The following GCH1 variants were observed in gnomAD, a reference collection of about 807,000 sequenced individuals.
The protein encoded by GCH1 is GTP cyclohydrolase 1, also known as GTP cyclohydrolase I.
GCH1 carries 5 observed loss-of-function variants against 25.9 expected under a neutral mutation model. That is an observed-to-expected ratio of 0.19 (90% confidence interval 0.10 to 0.41). The LOEUF is 0.41. Ranked by LOEUF, GCH1 falls within the 10% of genes least tolerant of loss-of-function variation. The pLI is 1.00. For missense variants in GCH1, 261 were observed against 336.5 expected (o/e 0.78, Z 1.75); for synonymous variants, 159 against 129.6 (o/e 1.23, Z -1.54).
At chr14:54,867,090 T>C (rs903293440) in intron 1 of GCH1, among the ~76,000 whole-genome samples, 1 of 152,222 alleles carries the variant, frequency 6.6e-6, no homozygotes, top group Non-Finnish European at 1.5e-5. Context: ...ACATATAGCT[T>C]ACTAAAATCT....
At chr14:54,866,600 A>C (rs1255979700) in intron 1 of GCH1, among the ~76,000 whole-genome samples, 1 of 151,940 alleles carries the variant, frequency 6.6e-6, no homozygotes, top group Non-Finnish European at 1.5e-5. Context: ...GATGTATTAG[A>C]GCTTTGCACC....
Position 54,871,598 on chromosome 14 carries a change from T to TA in GCH1, c.344-6163dup, listed in dbSNP as rs975786150. On this transcript the variant is annotated intron_variant, in intron 1 of 5. Coordinates refer to ENST00000491895, the MANE Select transcript of GCH1 (RefSeq NM_000161.3). Reference sequence around the variant, plus strand: ...CCATGGCAAAGAAGTTAAAAACCTTTAAAAAAATTAGACGAATGGCTAACT... The same window carrying TA: ...CCATGGCAAAGAAGTTAAAAACCTTTAAAAAAAATTAGACGAATGGCTAACT... Among the ~76,000 whole-genome samples the TA allele has an allele frequency of 2.9e-3, 448 of 151,902 alleles. 2 individuals carry two copies. The highest frequency in any genetic ancestry group is 0.01 in the African/African-American group (417 of 41,422).
intron 3 of GCH1, among the ~76,000 whole-genome samples, chr14:54,854,478 T>C (rs760584799): frequency 6.6e-6 from 1 of 151,848 alleles, no homozygotes; most frequent in African/African-American, 2.4e-5. Flanking sequence ...ACACTCCAGA[T>C]GGAGCAAAGA....
chr14:54,868,747 G>A (rs971105662), intron 1 of GCH1, among the ~76,000 whole-genome samples: 17 of 148,840 alleles, frequency 1.1e-4, no homozygotes, highest in Admixed American at 2.7e-4. Flanking sequence ...GACTACAGGC[G>A]TCTGCCACCA....
intron 3 of GCH1, among the ~76,000 whole-genome samples, chr14:54,856,059 T>C (rs768608962): frequency 2.6e-5 from 4 of 152,168 alleles, no homozygotes; most frequent in Non-Finnish European, 5.9e-5. Flanking sequence ...TGTAATCTAA[T>C]ACTCACCTCA....
At chr14:54,902,077 G>C (rs1246088534) in intron 1 of GCH1, among the ~76,000 whole-genome samples, 1 of 152,048 alleles carries the variant, frequency 6.6e-6, no homozygotes, top group African/African-American at 2.4e-5. Context: ...GAGCGGGAAG[G>C]GCCCCTGGAA....
At chr14:54,863,236 C>G (rs111317596) in intron 2 of GCH1, among the ~76,000 whole-genome samples, 17,274 of 151,218 alleles carry the variant, frequency 0.11, 1,055 homozygotes, top group South Asian at 0.16. Context: ...TGGCTAACAC[C>G]GTGAAACCCC....
Position 54,902,706 on chromosome 14 carries a change from G to A in GCH1, c.-43C>T, listed in dbSNP as rs1447973089. Reference sequence around the variant, plus strand: ...TGCCGTTCGGGAAGGACCCCGGGGCGCTTCGAGGTCTGCGGCTAAACTCCG... The same window carrying A: ...TGCCGTTCGGGAAGGACCCCGGGGCACTTCGAGGTCTGCGGCTAAACTCCG... On this transcript the variant is annotated 5_prime_UTR_variant, in exon 1 of 6. Transcript: ENST00000491895. The A allele has an allele frequency of 7.1e-7, 1 of 1,408,714 alleles. No homozygotes were observed. Among genetic ancestry groups the A allele is most frequent in the Non-Finnish European group, 9.2e-7 (1 of 1,087,136 alleles). The allele number at this position is 1,408,714 out of a possible 1,614,324, so 87.3% of individuals were successfully genotyped here. A position where few individuals can be genotyped will look rare whatever the true frequency, so the allele number is the denominator to read the frequency against.
chr14:54,869,670 G>T (rs1452848104), intron 1 of GCH1, among the ~76,000 whole-genome samples: 1 of 151,884 alleles, frequency 6.6e-6, no homozygotes, highest in African/African-American at 2.4e-5. Context: ...AGTAGGGATC[G>T]GGTTTCTCCA....
chr14:54,858,561 CA>C (rs1198178058), intron 3 of GCH1, among the ~76,000 whole-genome samples: 1 of 151,800 alleles, frequency 6.6e-6, no homozygotes, highest in Non-Finnish European at 1.5e-5. Context: ...GCTGGGATTA[CA>C]AGTGTGAAAG....
intron 1 of GCH1, among the ~76,000 whole-genome samples, chr14:54,899,269 C>T (rs1261868268): frequency 5.3e-5 from 8 of 151,868 alleles, no homozygotes; most frequent in Non-Finnish European, 1.0e-4. Flanking sequence ...AAGACCAGCC[C>T]GGGCAACATG....
At chr14:54,869,419 T>C (rs759952509) in intron 1 of GCH1, among the ~76,000 whole-genome samples, 3 of 152,190 alleles carry the variant, frequency 2.0e-5, no homozygotes, top group Non-Finnish European at 2.9e-5. Context: ...GGAAAGGGTA[T>C]ATGAAAACTC....
Position 54,902,432 on chromosome 14 carries a change from T to C in GCH1, c.232A>G (p.Ile78Val). Residue 78 changes from isoleucine to valine, a missense_variant, in exon 1 of 6, where the codon ATC becomes GTC. Transcript: ENST00000491895. ...LPNLAAAYSS[I>V]LSSLGENPQR... is the part of the protein sequence containing the mutation. Reference sequence around the variant, plus strand: ...GGGTTCTCGCCCAGCGAGCTCAGGATGGACGAGTAGGCGGCTGCCAGGTTA... The same window carrying C: ...GGGTTCTCGCCCAGCGAGCTCAGGACGGACGAGTAGGCGGCTGCCAGGTTA... The C allele has an allele frequency of 6.2e-7, 1 of 1,612,998 alleles. No individual in the cohort carries two copies. The highest frequency in any genetic ancestry group is 1.1e-5 in the South Asian group (1 of 91,062).
rs1594968613 is a variant in GCH1 at position 54,844,294 on chromosome 14, C to G, written c.627-151G>C. On this transcript the variant is annotated intron_variant, in intron 5 of 5. Transcript: ENST00000491895. ...ACAAATGTTATCTATTAGGTTCATGCAAAAGTAACTGCGGTTCTTGCTATT... is the reference window on the plus strand; with the variant it reads ...ACAAATGTTATCTATTAGGTTCATGGAAAAGTAACTGCGGTTCTTGCTATT... 5 of 732,204 alleles carry G rather than the reference C, an allele frequency of 6.8e-6. No individual in the cohort carries two copies. The East Asian group carries it at 1.3e-4, about 18-fold the overall frequency. 45.4% of individuals were successfully genotyped at this position (732,204 alleles called of 1,614,324 possible).
At chr14:54,859,479 G>A in intron 3 of GCH1, 1 of 599,374 alleles carries the variant, frequency 1.7e-6, no homozygotes, top group South Asian at 1.9e-5. Context: ...AGAAAGGGTG[G>A]GAAGTGGAAG....
chr14:54,891,405 ATTT>A (rs538686624), intron 1 of GCH1, among the ~76,000 whole-genome samples: 11 of 109,026 alleles, frequency 1.0e-4, no homozygotes, highest in East Asian at 5.2e-4. Flanking sequence ...CATGCCTGGC[ATTT>A]TTTTTTTTTT....
chr14:54,880,199 T>C (rs369124329), intron 1 of GCH1, among the ~76,000 whole-genome samples: 1 of 150,156 alleles, frequency 6.7e-6, no homozygotes, highest in South Asian at 2.1e-4. Flanking sequence ...TGTAGTGAGA[T>C]GATAACTGGA....
chr14:54,845,765 T>C lies in GCH1; in HGVS notation c.626+3A>G, dbSNP rs1003447466. 3 of 1,531,504 alleles carry C rather than the reference T, an allele frequency of 2.0e-6. No homozygotes were observed. The highest frequency in any genetic ancestry group is 2.7e-6 in the Non-Finnish European group (3 of 1,104,560). 94.9% of individuals were successfully genotyped at this position (1,531,504 alleles called of 1,614,324 possible). A position where few individuals can be genotyped will look rare whatever the true frequency, so the allele number is the denominator to read the frequency against. The stretch of plus-strand genomic sequence containing the variant: ...ACGTTACTAAAGGCAGATGCAGACT[T>C]ACGTTGCTTCAACCACTACCCCGAC... On this transcript the variant is annotated splice_donor_region_variant and intron_variant, in intron 5 of 5. Transcript: ENST00000491895.
chr14:54,898,055 G>C (rs1375793927), intron 1 of GCH1, among the ~76,000 whole-genome samples: 1 of 152,166 alleles, frequency 6.6e-6, no homozygotes, highest in Non-Finnish European at 1.5e-5. Flanking sequence ...GAATGCTGCA[G>C]GCAACTGTAA....
Sources: allele counts gnomAD v4.1 joint callset (sites outside exome capture counted in the v4.1 genomes callset), GRCh38; gene constraint gnomAD v4.1.1; transcripts MANE v1.5; gene names NCBI Gene and HGNC (gene_info 2026-07-23, HGNC 2026-07-21).